The following DCD variants were observed in gnomAD, a reference collection of about 807,000 sequenced individuals.
The protein encoded by DCD is dermcidin.
Under a neutral mutation model 14.5 loss-of-function variants are expected in DCD, and 17 were observed. The observed-to-expected ratio is 1.18, with a 90% CI of 0.81 to 1.76. The LOEUF is 1.76. DCD is among the 40% of genes most tolerant of loss of function. DCD has a pLI of 0.00. For synonymous variants in DCD, 64 were observed against 54.0 expected (o/e 1.19, Z -0.82); for missense variants, 139 against 133.4 (o/e 1.04, Z -0.21).
chr12:54,645,059 T>C lies in DCD; in HGVS notation c.289+114A>G, dbSNP rs897817005. 1.5e-5 allele frequency: 22 copies of C among 1,486,220 alleles called. No individual in the cohort carries two copies. In the African/African-American group the frequency reaches 2.8e-4, roughly 19 times the overall value. The allele number at this position is 1,486,220 out of a possible 1,614,324, so 92.1% of individuals were successfully genotyped here. On this transcript the variant is annotated intron_variant, in intron 4 of 4. Transcript: ENST00000293371. ...AAATCTGGATGAGGAATTGGAGACA[T>C]TTGAAAGCACAAAGTGAGGGGTCTT...
At chr12:54,648,109 C>A in intron 1 of DCD, 137 bp downstream of exon 1, 1 of 916,258 alleles carries the variant, frequency 1.1e-6, no homozygotes, top group Non-Finnish European at 1.7e-6. Flanking sequence ...GTGTGGAGAA[C>A]CTAGTGGGAG....
chr12:54,645,806 AGG>A, intron 2 of DCD, 99 bp from the exon 3 acceptor site: 1 of 909,078 alleles, frequency 1.1e-6, no homozygotes, highest in African/African-American at 1.6e-5. Flanking sequence ...GTCTGGCTTG[AGG>A]ATAGCTCCCT....
Position 54,645,233 on chromosome 12 carries a change from C to G in DCD, c.229G>C (p.Val77Leu), listed in dbSNP as rs1026617957. ...EKGLDGAKKA[V>L]GGLGKLGKDA... Reference sequence around the variant, plus strand: ...TTTCCTAGTTTTCCGAGTCCCCCCACAGCTTTTTTTGCTCCGTCTAGGCCT... The same window carrying G: ...TTTCCTAGTTTTCCGAGTCCCCCCAGAGCTTTTTTTGCTCCGTCTAGGCCT... The change falls in exon 4 of 5, where the codon GTG becomes CTG. Residue 77 changes from valine (V) to leucine (L), a missense_variant. Coordinates refer to ENST00000293371, the MANE Select transcript of DCD (RefSeq NM_053283.4). The G allele has an allele frequency of 1.9e-6, 3 of 1,614,014 alleles. No individual in the cohort carries two copies. In the African/African-American group the frequency reaches 4.0e-5, roughly 22 times the overall value.
intron 4 of DCD, 51 bp from the exon 5 acceptor site, chr12:54,644,807 A>T: frequency 6.3e-7 from 1 of 1,575,648 alleles, no homozygotes; most frequent in African/African-American, 1.4e-5. Flanking sequence ...AGAAAAAAGG[A>T]AGGGAAAGAG....
intron 2 of DCD, 103 bp from the exon 3 acceptor site, chr12:54,645,810 T>A: frequency 1.2e-6 from 1 of 845,248 alleles, no homozygotes; most frequent in African/African-American, 1.7e-5. Context: ...GGCTTGAGGA[T>A]AGCTCCCTCT....
At chr12:54,648,165 G>A (rs905121212) in intron 1 of DCD, 81 bp downstream of exon 1, 76 of 1,519,564 alleles carry the variant, frequency 5.0e-5, no homozygotes, top group Admixed American at 1.0e-4. Context: ...TGCCTCTGGC[G>A]AGGAGGGGAA....
Position 54,645,124 on chromosome 12 carries a change from GGT to G in DCD, c.289+47_289+48del, listed in dbSNP as rs750439774. The stretch of plus-strand genomic sequence containing the variant: ...TGGCAGTTTCAGATCTCATGCAAGG[GGT>G]GGAGACTGAGGCTGGTCCTGAGGGA... On this transcript the variant is annotated intron_variant, in intron 4 of 4. Coordinates refer to ENST00000293371, the MANE Select transcript of DCD (RefSeq NM_053283.4). 2 of 1,583,902 alleles carry G rather than the reference GGT, an allele frequency of 1.3e-6. 1 individual carries two copies. Among genetic ancestry groups the G allele is most frequent in the South Asian group, 2.2e-5 (2 of 90,472 alleles).
intron 1 of DCD, 62 bp from the exon 2 acceptor site, chr12:54,647,221 C>A: frequency 6.6e-7 from 1 of 1,507,444 alleles, no homozygotes; most frequent in South Asian, 1.2e-5. Context: ...TGTATCCAGC[C>A]AGGGCTGCCT....
intron 2 of DCD, 103 bp downstream of exon 2, chr12:54,647,018 C>T: frequency 1.6e-6 from 2 of 1,277,572 alleles, no homozygotes; most frequent in Non-Finnish European, 2.1e-6. Flanking sequence ...CCCAACTCTC[C>T]TTCCCCGGAC....
intron 3 of DCD, 41 bp from the exon 4 acceptor site, chr12:54,645,303 A>T: frequency 1.3e-6 from 2 of 1,582,124 alleles, no homozygotes; most frequent in Non-Finnish European, 1.7e-6. Context: ...AGAAGCAGAA[A>T]AACTACTTCC....
chr12:54,647,021 C>T, intron 2 of DCD, 100 bp downstream of exon 2: 2 of 1,296,434 alleles, frequency 1.5e-6, no homozygotes, highest in Non-Finnish European at 2.1e-6. Flanking sequence ...AACTCTCCTT[C>T]CCCGGACCCC....
In DCD at chr12:54,645,182, C is replaced by T. The variant is rs755072961; in HGVS notation, c.280G>A (p.Val94Met). 3.8e-5 allele frequency: 61 copies of T among 1,614,056 alleles called. No individual in the cohort carries two copies. The highest frequency in any genetic ancestry group is 1.7e-4 in the Middle Eastern group (1 of 6,060). The change falls in exon 4 of 5, where the codon GTG (valine) becomes ATG (methionine). Residue 94 changes from valine to methionine, a missense_variant. Val to Met is a conservative substitution (Grantham distance 21). Transcript: ENST00000293371. ...GKDAVEDLES[V>M]GKGAVHDVKD... ...GGGGACATATACTCACCTTTACCCA[C>T]GCTTTCTAGATCTTCGACTGCATCT...
rs774119123 is a variant in DCD, at chr12:54,645,226, C to T, written c.236G>A (p.Gly79Glu). ...GLDGAKKAVG[G>E]LGKLGKDAVE... ...TGCATCTTTTCCTAGTTTTCCGAGTCCCCCCACAGCTTTTTTTGCTCCGTC... is the reference window on the plus strand; with the variant it reads ...TGCATCTTTTCCTAGTTTTCCGAGTTCCCCCACAGCTTTTTTTGCTCCGTC... Residue 79 changes from glycine (G) to glutamate (E), a missense_variant, in exon 4 of 5, where the codon GGA becomes GAA. By Grantham distance (98) the Gly-to-Glu change is moderately conservative. Coordinates refer to ENST00000293371, the MANE Select transcript of DCD (RefSeq NM_053283.4). 2.7e-5 allele frequency: 44 copies of T among 1,613,856 alleles called. No individual in the cohort carries two copies. The highest frequency in any genetic ancestry group is 3.5e-5 in the Non-Finnish European group (41 of 1,180,000).
At position 54,645,247 on chromosome 12, in the gene DCD, C is replaced by T; in HGVS notation, c.215G>A (p.Gly72Glu). Residue 72 changes from glycine (G) to glutamate (E), a missense_variant, in exon 4 of 5, where the codon GGA (glycine) becomes GAA (glutamate). Transcript: ENST00000293371. ...RSSLLEKGLD[G>E]AKKAVGGLGK... Reference sequence around the variant, plus strand: ...GAGTCCCCCCACAGCTTTTTTTGCTCCGTCTAGGCCTTTTTCTAGGGTGGA... The same window carrying T: ...GAGTCCCCCCACAGCTTTTTTTGCTTCGTCTAGGCCTTTTTCTAGGGTGGA... The T allele has an allele frequency of 6.2e-7, 1 of 1,613,942 alleles. No individual in the cohort carries two copies. The highest frequency in any genetic ancestry group is 8.5e-7 in the Non-Finnish European group (1 of 1,179,962).
intron 2 of DCD, 37 bp downstream of exon 2, chr12:54,647,084 A>G: frequency 6.5e-7 from 1 of 1,546,976 alleles, no homozygotes; most frequent in Non-Finnish European, 8.7e-7. Context: ...TAACCCTCCC[A>G]CCCAGGACTG....
chr12:54,645,771 C>T, intron 2 of DCD, 64 bp from the exon 3 acceptor site: 3 of 1,431,102 alleles, frequency 2.1e-6, no homozygotes, highest in South Asian at 1.2e-5. Context: ...GGTCGGGGAG[C>T]AGGTGGTGCT....
rs181656358 is a variant in DCD, at chr12:54,645,593, G to A, written c.199+13C>T. ...ATCAGAATTCTATACCAGGCATTGG[G>A]AAAGAGGCTTACCCAGAAGGCTGGA... On this transcript the variant is annotated intron_variant, in intron 3 of 4. Transcript: ENST00000293371. The A allele has an allele frequency of 1.2e-6, 2 of 1,611,512 alleles. No homozygotes were observed. Among genetic ancestry groups the A allele is most frequent in the Admixed American group, 1.7e-5 (1 of 59,992 alleles).
Position 54,645,156 on chromosome 12 carries a change from T to C in DCD, c.289+17A>G. ...ACTGAGGCTGGTCCTGAGGGAGGAG[T>C]GGGGACATATACTCACCTTTACCCA... On this transcript the variant is annotated intron_variant, in intron 4 of 4. Transcript: ENST00000293371. 6.2e-7 allele frequency: 1 copy of C among 1,611,726 alleles called. No individual in the cohort carries two copies. The highest frequency in any genetic ancestry group is 1.1e-5 in the South Asian group (1 of 90,996).
chr12:54,646,946 C>T (rs1024565288), intron 2 of DCD, among the ~76,000 whole-genome samples, 175 bp downstream of exon 2: 1 of 152,088 alleles, frequency 6.6e-6, no homozygotes, highest in Non-Finnish European at 1.5e-5. Context: ...ATGCTCTGTC[C>T]TTCTCCAGTG....
Sources: allele counts gnomAD v4.1 joint callset (sites outside exome capture counted in the v4.1 genomes callset), GRCh38; gene constraint gnomAD v4.1.1; transcripts MANE v1.5; gene names NCBI Gene and HGNC (gene_info 2026-07-23, HGNC 2026-07-21).